TENM2: variants seen among roughly 807,000 people sequenced by gnomAD.
TENM2 encodes teneurin transmembrane protein 2, also known as teneurin-2.
TENM2 carries 52 observed loss-of-function variants against 245.2 expected under a neutral mutation model. The observed-to-expected ratio is 0.21, with a 90% CI of 0.17 to 0.27. The LOEUF is 0.27. Ranked by LOEUF, TENM2 falls within the 10% of genes least tolerant of loss-of-function variation. The pLI is 1.00. For missense variants in TENM2, 3,046 were observed against 3,666.8 expected (o/e 0.83, Z 4.37); for synonymous variants, 1,363 against 1,438.9 (o/e 0.95, Z 1.19).
chr5:167,777,547 C>T (rs1164776317), intron 2 of TENM2, among the ~76,000 whole-genome samples: 3 of 152,118 alleles, frequency 2.0e-5, no homozygotes, highest in African/African-American at 7.2e-5. Context: ...GAATCTCAGC[C>T]CTGGCACGTT....
At chr5:167,834,159 G>T (rs952378218) in intron 2 of TENM2, among the ~76,000 whole-genome samples, 18 of 152,184 alleles carry the variant, frequency 1.2e-4, no homozygotes, top group Admixed American at 9.8e-4. Flanking sequence ...AGAAATAGGG[G>T]GATGTGATAG....
At chr5:167,541,555 C>T (rs1425645777) in intron 2 of TENM2, among the ~76,000 whole-genome samples, 1 of 152,076 alleles carries the variant, frequency 6.6e-6, no homozygotes, top group Non-Finnish European at 1.5e-5. Context: ...AGAGAGATAG[C>T]CGTCTCACTT....
chr5:167,609,259 A>G (rs1255385416), intron 2 of TENM2, among the ~76,000 whole-genome samples: 1 of 152,060 alleles, frequency 6.6e-6, no homozygotes, highest in Non-Finnish European at 1.5e-5. Context: ...GTTGCCCAGG[A>G]TTACACAAGT....
chr5:167,876,728 G>A (rs984231625), intron 3 of TENM2, among the ~76,000 whole-genome samples: 2 of 152,164 alleles, frequency 1.3e-5, no homozygotes, highest in African/African-American at 4.8e-5. Context: ...AGTCTGAAGT[G>A]TTTGGGGGGT....
At chr5:167,364,168 G>A (rs1759898290) in intron 1 of TENM2, among the ~76,000 whole-genome samples, 1 of 151,990 alleles carries the variant, frequency 6.6e-6, no homozygotes, top group Non-Finnish European at 1.5e-5. Context: ...AAGAGGCAAT[G>A]ACTGAGACTT....
intron 7 of TENM2, among the ~76,000 whole-genome samples, chr5:168,081,899 A>G (rs977649249): frequency 6.6e-6 from 1 of 152,124 alleles, no homozygotes; most frequent in African/African-American, 2.4e-5. Context: ...GAATCTGACA[A>G]TTATGTGTCT....
intron 2 of TENM2, among the ~76,000 whole-genome samples, chr5:167,845,869 G>T (rs1248564598): frequency 6.6e-6 from 1 of 152,162 alleles, no homozygotes; most frequent in African/African-American, 2.4e-5. Flanking sequence ...AACTAAACTT[G>T]TTAGATGGAG....
intron 4 of TENM2, among the ~76,000 whole-genome samples, chr5:167,988,213 A>T (rs1017007266): frequency 6.6e-6 from 1 of 152,194 alleles, no homozygotes; most frequent in Non-Finnish European, 1.5e-5. Flanking sequence ...TTTTAAAATT[A>T]AAAATGTTCA....
chr5:168,021,851 A>G (rs561390914), intron 5 of TENM2, among the ~76,000 whole-genome samples: 1 of 151,668 alleles, frequency 6.6e-6, no homozygotes, highest in Admixed American at 6.6e-5. Flanking sequence ...TTAGGAACAG[A>G]GTTGTGACCT....
intron 1 of TENM2, chr5:167,287,700 G>T (rs534409114): frequency 2.0e-5 from 3 of 152,278 alleles, no homozygotes; most frequent in African/African-American, 7.2e-5. Flanking sequence ...CGGAAGCTCG[G>T]TCAAATTGTG....
Position 168,124,808 on chromosome 5 carries a change from T to C in TENM2, c.2009-42T>C. 3.2e-6 allele frequency: 5 copies of C among 1,546,538 alleles called. No homozygotes were observed. In the South Asian group the frequency reaches 6.0e-5, roughly 19 times the overall value. On this transcript the variant is annotated intron_variant, in intron 10 of 28. Transcript: ENST00000518659. Reference sequence around the variant, plus strand: ...CTCATGGTCCATCCTCCATGGGTGATTAATACTTTTATTCTTTGGTTTTTG... The same window carrying C: ...CTCATGGTCCATCCTCCATGGGTGACTAATACTTTTATTCTTTGGTTTTTG...
chr5:167,444,298 T>C (rs10068147), intron 2 of TENM2, among the ~76,000 whole-genome samples: 32 of 150,496 alleles, frequency 2.1e-4, no homozygotes, highest in East Asian at 7.9e-4. Flanking sequence ...CACATACACA[T>C]ACACACACAC....
At chr5:168,130,331 G>C (rs532828515) in intron 12 of TENM2, 40 of 152,298 alleles carry the variant, frequency 2.6e-4, no homozygotes, top group African/African-American at 8.7e-4. Flanking sequence ...AGCAATGACT[G>C]TTATATAACC....
intron 2 of TENM2, chr5:167,728,696 C>T (rs549781654): frequency 6.6e-6 from 1 of 152,278 alleles, no homozygotes; most frequent in South Asian, 2.1e-4. Context: ...TTATCTACAG[C>T]TCGAGAAGCC....
chr5:167,407,353 G>A (rs918168503), intron 2 of TENM2, among the ~76,000 whole-genome samples: 8 of 152,144 alleles, frequency 5.3e-5, no homozygotes, highest in African/African-American at 1.9e-4. Context: ...ATAGGTACTA[G>A]TTAAAGGAGC....
chr5:167,625,617 T>A (rs1778452879), intron 2 of TENM2, among the ~76,000 whole-genome samples: 1 of 152,190 alleles, frequency 6.6e-6, no homozygotes, highest in South Asian at 2.1e-4. Flanking sequence ...CTCAGATGTA[T>A]CAGTTATCTA....
At chr5:167,719,024 T>C (rs1759447418) in intron 2 of TENM2, among the ~76,000 whole-genome samples, 1 of 152,230 alleles carries the variant, frequency 6.6e-6, no homozygotes, top group African/African-American at 2.4e-5. Context: ...AACCTGATGT[T>C]GAACTCAATC....
At chr5:167,409,385 CA>C (rs892905917) in intron 2 of TENM2, among the ~76,000 whole-genome samples, 2 of 151,868 alleles carry the variant, frequency 1.3e-5, no homozygotes, top group Non-Finnish European at 2.9e-5. Context: ...GTTGTAAAAA[CA>C]GTACAAGGAA....
At chr5:167,405,342 T>C (rs73363536) in intron 2 of TENM2, among the ~76,000 whole-genome samples, 4,328 of 152,174 alleles carry the variant, frequency 0.028, 212 homozygotes, top group African/African-American at 0.099. Flanking sequence ...TGATAAGCAA[T>C]GGGGCTCTGG....
Sources: gnomAD v4.1 joint callset for allele counts (sites outside exome capture counted in the v4.1 genomes callset) on GRCh38, gnomAD v4.1.1 for gene constraint, MANE v1.5 for transcripts, NCBI Gene and HGNC (gene_info 2026-07-23, HGNC 2026-07-21) for gene names.